Variants in GAD1 observed in about 807,000 individuals in gnomAD.
The protein encoded by GAD1 is 67 kDa glutamic acid decarboxylase.
In GAD1, 35 loss-of-function variants were observed where a neutral mutation model predicts 75.2. The ratio of observed to expected loss-of-function variants is 0.47; its 90% CI spans 0.36 to 0.62. The LOEUF (loss-of-function observed/expected upper bound fraction) is 0.62. Among genes scored for constraint, GAD1 ranks in the 20% least tolerant of loss-of-function variants. GAD1 has a pLI of 0.00. For synonymous variants in GAD1, 257 were observed against 271.9 expected (o/e 0.95, Z 0.54); for missense variants, 490 against 758.5 (o/e 0.65, Z 4.16).
upstream of GAD1, among the ~76,000 whole-genome samples, chr2:170,813,610 C>T: frequency 6.6e-6 from 1 of 152,192 alleles, no homozygotes; most frequent in Admixed American, 6.5e-5. Context: ...ACGTTTTAGG[C>T]GTGAAGATCT....
At chr2:170,848,516 A>G (rs1702683471) in intron 11 of GAD1, among the ~76,000 whole-genome samples, 1 of 152,004 alleles carries the variant, frequency 6.6e-6, no homozygotes, top group African/African-American at 2.4e-5. Flanking sequence ...AAAAAAAGAA[A>G]AAAGAAAAAG....
chr2:170,814,056 TC>T (rs1701655973), upstream of GAD1, among the ~76,000 whole-genome samples: 1 of 152,250 alleles, frequency 6.6e-6, no homozygotes, highest in East Asian at 1.9e-4. Flanking sequence ...ATATCTTTTT[TC>T]CACCCCCATT....
intron 10 of GAD1, 31 bp from the exon 11 acceptor site, chr2:170,847,645 C>A: frequency 7.3e-7 from 1 of 1,365,952 alleles, no homozygotes; most frequent in Non-Finnish European, 1.0e-6. Flanking sequence ...GTTAAAAATA[C>A]TCATCAGCCT....
chr2:170,823,518 C>T (rs1476699263), intron 3 of GAD1, among the ~76,000 whole-genome samples: 10 of 152,202 alleles, frequency 6.6e-5, no homozygotes, highest in African/African-American at 2.4e-4. Context: ...AGCCCTGCCG[C>T]CGGGCGGCCT....
chr2:170,818,539 C>A lies in GAD1; in HGVS notation c.-53C>A, dbSNP rs886055097. ...CGCTTCTCTTTGCAGCCTGTTTCTG[C>A]GCCGGACCAGTCGAGGACTCTGGAC... On this transcript the variant is annotated 5_prime_UTR_variant, in exon 2 of 17. Transcript: ENST00000358196. The surrounding 1 kb of genome is among the most constrained non-coding windows in gnomAD (Gnocchi z 5.9). 12 of 1,520,364 alleles carry A rather than the reference C, an allele frequency of 7.9e-6. No individual in the cohort carries two copies. The highest frequency in any genetic ancestry group is 1.4e-5 in the African/African-American group (1 of 73,066). 94.2% of individuals were successfully genotyped at this position (1,520,364 alleles called of 1,614,324 possible). A position where few individuals can be genotyped will look rare whatever the true frequency, so the allele number is the denominator to read the frequency against.
At position 170,856,212 on chromosome 2, in the gene GAD1, G is replaced by A. The variant is rs182605493; in HGVS notation, c.1414-806G>A. ...TGCATCTGCTCTCCTTGTTAACACCGACCCACTCAACAACCCTCATACTGC... is the reference window on the plus strand; with the variant it reads ...TGCATCTGCTCTCCTTGTTAACACCAACCCACTCAACAACCCTCATACTGC... On this transcript the variant is annotated intron_variant, in intron 14 of 16. Coordinates refer to ENST00000358196, the MANE Select transcript of GAD1 (RefSeq NM_000817.3). 1.4e-4 allele frequency among the ~76,000 whole-genome samples: 22 copies of A among 152,282 alleles called. No individual in the cohort carries two copies. The South Asian group carries it at 1.4e-3, about 10-fold the overall frequency.
intron 12 of GAD1, among the ~76,000 whole-genome samples, chr2:170,850,970 C>T (rs758511867): frequency 1.3e-5 from 2 of 151,666 alleles, no homozygotes; most frequent in African/African-American, 4.8e-5. Context: ...ACCGAGATCA[C>T]GCCGCTGCAC....
At chr2:170,823,005 G>A (rs3791872) in intron 3 of GAD1, among the ~76,000 whole-genome samples, 34,449 of 152,230 alleles carry the variant, frequency 0.23, 4,784 homozygotes, top group South Asian at 0.34. Context: ...AAGGAAAAAG[G>A]GAGATTTGTT....
Position 170,832,662 on chromosome 2 carries a change from G to GCACACACACACACA in GAD1, c.547+1471_547+1472insACACACACACACAC, listed in dbSNP as rs1275912956. ...GACACAGGCACACATGCGCGCGCGC[G>GCACACACACACACA]CGCACACACACACACACACACACAC... is the stretch of plus-strand genomic sequence containing the variant. On this transcript the variant is annotated intron_variant, in intron 5 of 16. Transcript: ENST00000358196. Among the ~76,000 whole-genome samples, 265 of 128,508 alleles carry GCACACACACACACA rather than the reference G, an allele frequency of 2.1e-3. 2 individuals are homozygous for GCACACACACACACA. The highest frequency in any genetic ancestry group is 4.1e-3 in the South Asian group (16 of 3,920). 84.3% of individuals were successfully genotyped at this position (128,508 alleles called of 152,430 possible). A position where few individuals can be genotyped will look rare whatever the true frequency, so the allele number is the denominator to read the frequency against.
chr2:170,847,176 G>A (rs1215264471), intron 10 of GAD1, among the ~76,000 whole-genome samples: 1 of 152,100 alleles, frequency 6.6e-6, no homozygotes, highest in Non-Finnish European at 1.5e-5. Flanking sequence ...ACCCCACAAT[G>A]TTTCAGTATA....
intron 3 of GAD1, among the ~76,000 whole-genome samples, chr2:170,823,582 G>A (rs1028709987): frequency 1.3e-5 from 2 of 152,200 alleles, no homozygotes; most frequent in Non-Finnish European, 2.9e-5. Flanking sequence ...GGCCAGGGCT[G>A]CATCCCTGTG....
At chr2:170,828,169 TCGCC>T (rs1702077683) in intron 3 of GAD1, among the ~76,000 whole-genome samples, 1 of 109,058 alleles carries the variant, frequency 9.2e-6, no homozygotes, top group Non-Finnish European at 2.1e-5. Flanking sequence ...TCTGCTGTCC[TCGCC>T]CTCCTCTCTC....
At chr2:170,832,660 GCGCGCACACACACACACACACA>G (rs1702264569) in intron 5 of GAD1, among the ~76,000 whole-genome samples, 1 of 79,416 alleles carries the variant, frequency 1.3e-5, no homozygotes, top group Admixed American at 1.3e-4. Flanking sequence ...ATGCGCGCGC[GCGCGCACACACACACACACACA>G]CACACACACA....
chr2:170,847,544 T>C (rs1702659276), intron 10 of GAD1, 132 bp from the exon 11 acceptor site: 1 of 762,728 alleles, frequency 1.3e-6, no homozygotes, highest in Non-Finnish European at 2.4e-6. Flanking sequence ...CTACTAGACA[T>C]AGTATCTGGT....
intron 2 of GAD1, chr2:170,821,590 A>G (rs1487026423): frequency 1.2e-5 from 2 of 169,482 alleles, no homozygotes; most frequent in African/African-American, 2.4e-5. Flanking sequence ...ACCCCATTTC[A>G]TGCCAGTTTA....
intron 15 of GAD1, among the ~76,000 whole-genome samples, chr2:170,857,424 G>T (rs1240308958): frequency 6.6e-6 from 1 of 151,884 alleles, no homozygotes; most frequent in Non-Finnish European, 1.5e-5. Context: ...TCATTCTTGG[G>T]TTTGTTTTGT....
At chr2:170,847,114 G>C (rs1408776243) in intron 10 of GAD1, among the ~76,000 whole-genome samples, 1 of 152,198 alleles carries the variant, frequency 6.6e-6, no homozygotes, top group Non-Finnish European at 1.5e-5. Flanking sequence ...CACGTCCACT[G>C]TTAGTGAGTG....
At position 170,847,803 on chromosome 2, in the gene GAD1, T is replaced by C. The variant is rs760081918; in HGVS notation, c.1119+11T>C. 3.2e-6 allele frequency: 5 copies of C among 1,577,276 alleles called. No homozygotes were observed. In the South Asian group the frequency reaches 3.3e-5, roughly 10 times the overall value. ...TGGTTGCATGTCGATGTAAGTGCTA[T>C]ATAACTCAGGCCAGTCCATGTGGGG... On this transcript the variant is annotated intron_variant, in intron 11 of 16. Transcript: ENST00000358196.
intron 12 of GAD1, among the ~76,000 whole-genome samples, chr2:170,851,325 T>C (rs1187456453): frequency 6.6e-6 from 1 of 152,234 alleles, no homozygotes; most frequent in Non-Finnish European, 1.5e-5. Flanking sequence ...ATGATAGCAA[T>C]GAGAAATTTG....
Sources: gnomAD v4.1 joint callset for allele counts (sites outside exome capture counted in the v4.1 genomes callset) on GRCh38, gnomAD v4.1.1 for gene constraint, Gnocchi (gnomAD v3.1) non-coding constraint, MANE v1.5 for transcripts, NCBI Gene and HGNC (gene_info 2026-07-23, HGNC 2026-07-21) for gene names.